The following MYO6 variants were observed in gnomAD, a reference collection of about 807,000 sequenced individuals.
The protein encoded by MYO6 is myosin VI.
Under a neutral mutation model 178.7 loss-of-function variants are expected in MYO6, and 74 were observed. The ratio of observed to expected loss-of-function variants is 0.41; its 90% CI spans 0.34 to 0.50. MYO6 has a LOEUF of 0.50. Ranked by LOEUF, MYO6 falls within the 20% of genes least tolerant of loss-of-function variation. The pLI, the probability that MYO6 is intolerant of heterozygous loss-of-function variation, is 0.09. For missense variants in MYO6, 1,330 were observed against 1,547.4 expected (o/e 0.86, Z 2.36); for synonymous variants, 477 against 504.6 (o/e 0.95, Z 0.73).
chr6:75,816,552 C>T (rs538246112), intron 1 of MYO6, among the ~76,000 whole-genome samples: 60 of 152,264 alleles, frequency 3.9e-4, no homozygotes, highest in African/African-American at 1.4e-3. Flanking sequence ...TGTCCATATT[C>T]GTCAACTTGT....
At chr6:75,880,433 G>A (rs553446665) in intron 22 of MYO6, among the ~76,000 whole-genome samples, 2 of 152,118 alleles carry the variant, frequency 1.3e-5, no homozygotes, top group Non-Finnish European at 2.9e-5. Flanking sequence ...GTTGTCCTGG[G>A]CCACACATAA....
chr6:75,831,276 G>C (rs1243071288), intron 5 of MYO6, among the ~76,000 whole-genome samples: 1 of 152,200 alleles, frequency 6.6e-6, no homozygotes, highest in Non-Finnish European at 1.5e-5. Flanking sequence ...AGTGCATCCT[G>C]TTTCTCTTTG....
intron 6 of MYO6, among the ~76,000 whole-genome samples, chr6:75,835,694 A>C (rs1413244973): frequency 1.3e-5 from 2 of 152,168 alleles, no homozygotes; most frequent in Admixed American, 1.3e-4. Flanking sequence ...GGCCTCCCAA[A>C]ATGCTGGGAT....
chr6:75,872,147 A>G (rs1451397538), intron 19 of MYO6, among the ~76,000 whole-genome samples: 1 of 152,140 alleles, frequency 6.6e-6, no homozygotes, highest in Non-Finnish European at 1.5e-5. Context: ...AAATAAAAAT[A>G]AAAATAAATG....
chr6:75,908,399 T>TA, intron 31 of MYO6, 97 bp from the exon 32 acceptor site: 2 of 1,201,656 alleles, frequency 1.7e-6, no homozygotes, highest in Non-Finnish European at 1.2e-6. Context: ...AATTTAAAAA[T>TA]AAAAAAATCT....
chr6:75,916,981 TA>T lies in MYO6; in HGVS notation c.*1973del, dbSNP rs1469552805. 1 of 152,234 alleles carries T rather than the reference TA, an allele frequency of 6.6e-6. No individual in the cohort carries two copies. Among genetic ancestry groups the T allele is most frequent in the Non-Finnish European group, 1.5e-5 (1 of 68,036 alleles). The allele number at this position is 152,234 out of a possible 1,614,324, so 9.4% of individuals were successfully genotyped here. On this transcript the variant is annotated 3_prime_UTR_variant, in exon 35 of 35. Transcript: ENST00000369977. ...ACAGCTGTCCTAGAACTTATCTATT[TA>T]AAATAGTTTCCTGAGTTAATTTTGG...
chr6:75,823,271 A>G lies in MYO6; in HGVS notation c.187+420A>G, dbSNP rs144535856. ...GCAAACATGCATTTAAAAAAATTCT[A>G]TATAATTACTAATTGAAAAATTAAT... On this transcript the variant is annotated intron_variant, in intron 3 of 34. Transcript: ENST00000369977. 2.7e-3 allele frequency among the ~76,000 whole-genome samples: 407 copies of G among 152,362 alleles called. 1 individual carries two copies. Among genetic ancestry groups the G allele is most frequent in the African/African-American group, 9.4e-3 (391 of 41,580 alleles).
Position 75,917,763 on chromosome 6 carries a change from T to G in MYO6, c.*2751T>G, listed in dbSNP as rs1781197703. 1 of 152,634 alleles carries G rather than the reference T, an allele frequency of 6.6e-6. No homozygotes were observed. The highest frequency in any genetic ancestry group is 1.5e-5 in the Non-Finnish European group (1 of 68,040). 9.5% of individuals were successfully genotyped at this position (152,634 alleles called of 1,614,324 possible). A position where few individuals can be genotyped will look rare whatever the true frequency, so the allele number is the denominator to read the frequency against. ...GTTGTGAACACTTAGAGAATAGCAA[T>G]CCACAGGCAAGAATAATGGTATTGT... On this transcript the variant is annotated 3_prime_UTR_variant, in exon 35 of 35. Coordinates refer to ENST00000369977, the MANE Select transcript of MYO6 (RefSeq NM_004999.4).
Position 75,914,983 on chromosome 6 carries a change from A to G in MYO6, c.3829A>G (p.Thr1277Ala), listed in dbSNP as rs1260267801. The change falls in exon 35 of 35, where the codon ACA becomes GCA. Residue 1277 changes from threonine (T) to alanine (A), a missense_variant. Physicochemically the swap from Thr to Ala is moderately conservative, Grantham distance 58. Coordinates refer to ENST00000369977, the MANE Select transcript of MYO6 (RefSeq NM_004999.4). ...CAGACAGGCTCGGCCCACCTATGCA[A>G]CAGCCATGCTGCAGAGTCTGTTAAA... The part of the protein sequence containing the change: ...ESRQARPTYA[T>A]AMLQSLLK 6.2e-7 allele frequency: 1 copy of G among 1,613,326 alleles called. No individual in the cohort carries two copies. The highest frequency in any genetic ancestry group is 1.3e-5 in the African/African-American group (1 of 74,928).
At chr6:75,815,444 C>T (rs1017040163) in intron 1 of MYO6, among the ~76,000 whole-genome samples, 23 of 152,224 alleles carry the variant, frequency 1.5e-4, no homozygotes, top group African/African-American at 5.1e-4. Flanking sequence ...GTGGAGGTTT[C>T]GGCTAGAGCA....
intron 9 of MYO6, among the ~76,000 whole-genome samples, chr6:75,843,170 G>C (rs1774406156): frequency 6.6e-6 from 1 of 152,142 alleles, no homozygotes; most frequent in African/African-American, 2.4e-5. Context: ...CTGTAGTTTA[G>C]CCCTCTGGTT....
At chr6:75,894,172 C>T (rs956294567) in intron 28 of MYO6, among the ~76,000 whole-genome samples, 3 of 152,154 alleles carry the variant, frequency 2.0e-5, no homozygotes, top group Non-Finnish European at 4.4e-5. Flanking sequence ...GTATCCAGTG[C>T]CATTCCATAT....
At chr6:75,776,490 A>G (rs1766392717) in intron 1 of MYO6, among the ~76,000 whole-genome samples, 1 of 152,250 alleles carries the variant, frequency 6.6e-6, no homozygotes, top group Non-Finnish European at 1.5e-5. Flanking sequence ...AAGTGAATGC[A>G]TCCTTTTGCC....
intron 20 of MYO6, among the ~76,000 whole-genome samples, chr6:75,875,273 A>C (rs953535948): frequency 3.9e-5 from 6 of 152,128 alleles, no homozygotes; most frequent in Non-Finnish European, 8.8e-5. Flanking sequence ...TGTTTAATTA[A>C]AAATTTTTTT....
At chr6:75,777,639 G>A (rs542716839) in intron 1 of MYO6, among the ~76,000 whole-genome samples, 65 of 151,814 alleles carry the variant, frequency 4.3e-4, no homozygotes, top group African/African-American at 7.7e-4. Flanking sequence ...GTTTCGCTGT[G>A]TTGCCCAGGC....
chr6:75,839,261 T>C (rs956858494), intron 7 of MYO6, among the ~76,000 whole-genome samples: 1 of 152,146 alleles, frequency 6.6e-6, no homozygotes, highest in Non-Finnish European at 1.5e-5. Flanking sequence ...CGATCTCGGC[T>C]CGCTGCAAGC....
At chr6:75,879,367 C>CCTGAGTAGCTGAGA (rs1562277724) in intron 20 of MYO6, among the ~76,000 whole-genome samples, 1 of 152,070 alleles carries the variant, frequency 6.6e-6, no homozygotes, top group African/African-American at 2.4e-5. Flanking sequence ...GTCTCAGCCC[C>CCTGAGTAGCTGAGA]CTGAGTAGCT....
At chr6:75,813,172 A>C (rs1164557722) in intron 1 of MYO6, among the ~76,000 whole-genome samples, 1 of 152,158 alleles carries the variant, frequency 6.6e-6, no homozygotes, top group Non-Finnish European at 1.5e-5. Flanking sequence ...CCTGGGAGGC[A>C]GGGCCTGGAA....
intron 9 of MYO6, among the ~76,000 whole-genome samples, chr6:75,842,923 A>C (rs574096764): frequency 6.6e-6 from 1 of 152,278 alleles, no homozygotes; most frequent in South Asian, 2.1e-4. Context: ...ATTGAAATAT[A>C]TCTGGTCAGA....
Sources: allele counts gnomAD v4.1 joint callset (sites outside exome capture counted in the v4.1 genomes callset), GRCh38; gene constraint gnomAD v4.1.1; transcripts MANE v1.5; gene names NCBI Gene and HGNC (gene_info 2026-07-23, HGNC 2026-07-21).